Variants in PCDHGA12 observed in about 807,000 individuals in gnomAD.
PCDHGA12 encodes the protein protocadherin gamma-A12.
Under a neutral mutation model 61.1 loss-of-function variants are expected in PCDHGA12, and 43 were observed. The observed-to-expected ratio is 0.70, with a 90% CI of 0.55 to 0.91. PCDHGA12 has a LOEUF of 0.91. Ranked by LOEUF, PCDHGA12 falls within the 40% of genes least tolerant of loss-of-function variation. The pLI, the probability that PCDHGA12 is intolerant of heterozygous loss-of-function variation, is 0.00. For missense variants in PCDHGA12, 1,236 were observed against 1,227.7 expected, an observed-to-expected ratio of 1.01 and a Z score of -0.10; for synonymous variants, 520 against 542.9, an observed-to-expected ratio of 0.96 and a Z score of 0.59.
chr5:141,493,140 C>T lies in PCDHGA12; in HGVS notation c.2425-1667C>T, dbSNP rs2099746336. Among the ~76,000 whole-genome samples, 1 of 146,374 alleles carries T rather than the reference C, an allele frequency of 6.8e-6. No homozygotes were observed. Among genetic ancestry groups the T allele is most frequent in the African/African-American group, 2.5e-5 (1 of 40,746 alleles). ...GCTCCTAGGACTGTATTTTGAAACACCCCCAGGTGATTTTGATAGCTGATT... is the reference window on the plus strand; with the variant it reads ...GCTCCTAGGACTGTATTTTGAAACATCCCCAGGTGATTTTGATAGCTGATT... On this transcript the variant is annotated intron_variant, in intron 1 of 3. Transcript: ENST00000252085. This position sits in a 1 kb window ranked among gnomAD's most constrained non-coding sequence, Gnocchi z 4.3.
chr5:141,446,747 G>A (rs997132200), intron 1 of PCDHGA12, among the ~76,000 whole-genome samples: 10 of 152,190 alleles, frequency 6.6e-5, no homozygotes, highest in African/African-American at 1.4e-4. Context: ...GATTACAGGC[G>A]TGAGCCACCG....
chr5:141,457,649 A>C (rs1303184316), intron 1 of PCDHGA12, among the ~76,000 whole-genome samples: 1 of 152,282 alleles, frequency 6.6e-6, no homozygotes, highest in Non-Finnish European at 1.5e-5. Context: ...TATTTGCATG[A>C]AGTGCAGCAA....
At chr5:141,500,411 G>A (rs376320602) in intron 2 of PCDHGA12, among the ~76,000 whole-genome samples, 4 of 151,592 alleles carry the variant, frequency 2.6e-5, no homozygotes, top group East Asian at 2.0e-4. Context: ...GGGTTTCACC[G>A]TGTTAGCCAG....
chr5:141,462,959 G>A lies in PCDHGA12; in HGVS notation c.2424+29776G>A, dbSNP rs188938907. 5.1e-3 allele frequency among the ~76,000 whole-genome samples: 776 copies of A among 152,188 alleles called. 5 individuals are homozygous for A. Among genetic ancestry groups the A allele is most frequent in the Non-Finnish European group, 8.2e-3 (557 of 67,994 alleles). On this transcript the variant is annotated intron_variant, in intron 1 of 3. Transcript: ENST00000252085. ...AAGGCTTGTTTTTAAGCTTTGTTAGGACAGGTCTGTAGTAACTTTTGCCTT... is the reference window on the plus strand; with the variant it reads ...AAGGCTTGTTTTTAAGCTTTGTTAGAACAGGTCTGTAGTAACTTTTGCCTT...
Position 141,503,868 on chromosome 5 carries a change from G to A in PCDHGA12, c.2484-1525G>A, listed in dbSNP as rs928240898. Among the ~76,000 whole-genome samples, 24 of 152,202 alleles carry A rather than the reference G, an allele frequency of 1.6e-4. No individual in the cohort carries two copies. The South Asian group carries it at 4.1e-3, about 26-fold the overall frequency. ...TTGGAAAAATTGTAAAGCAGTTCTT[G>A]GTTGTGCTCACCCACCATGACAAAA... On this transcript the variant is annotated intron_variant, in intron 2 of 3. Coordinates refer to ENST00000252085, the MANE Select transcript of PCDHGA12 (RefSeq NM_003735.3).
At position 141,494,781 on chromosome 5, in the gene PCDHGA12, C is replaced by A. The variant is rs145360252; in HGVS notation, c.2425-26C>A. On this transcript the variant is annotated intron_variant, in intron 1 of 3. Coordinates refer to ENST00000252085, the MANE Select transcript of PCDHGA12 (RefSeq NM_003735.3). ...ATTCTAACTTCTCACGGGTACTCAG[C>A]CCCTTTCCCTCTGTTTTCTCCACAG... 6,156 of 1,614,074 alleles carry A rather than the reference C, an allele frequency of 3.8e-3. 13 individuals are homozygous for A. Among genetic ancestry groups the A allele is most frequent in the Middle Eastern group, 8.1e-3 (49 of 6,062 alleles).
In PCDHGA12 at chr5:141,432,220, C is replaced by A. The variant is rs949257429; in HGVS notation, c.1461C>A (p.Ile487=). ...HDPDCEENAQ[I]TYSLAENTIQ... ...CCGACTGTGAAGAGAACGCCCAGAT[C>A]ACTTATTCCCTGGCTGAGAACACCA... Residue 487 remains isoleucine (I), a synonymous_variant, in exon 1 of 4, where the codon ATC becomes ATA. Coordinates refer to ENST00000252085, the MANE Select transcript of PCDHGA12 (RefSeq NM_003735.3). This position sits in a 1 kb window ranked among gnomAD's most constrained non-coding sequence, Gnocchi z 6.0. The A allele has an allele frequency of 2.5e-6, 4 of 1,614,246 alleles. No homozygotes were observed. The highest frequency in any genetic ancestry group is 1.6e-4 in the Middle Eastern group (1 of 6,062).
At position 141,432,580 on chromosome 5, in the gene PCDHGA12, T is replaced by C. The variant is rs773087131; in HGVS notation, c.1821T>C (p.Arg607=). 20 of 1,613,202 alleles carry C rather than the reference T, an allele frequency of 1.2e-5. No individual in the cohort carries two copies. The highest frequency in any genetic ancestry group is 4.0e-5 in the African/African-American group (3 of 74,662). Residue 607 remains arginine (R), a synonymous_variant, in exon 1 of 4, where the codon CGT becomes CGC. Transcript: ENST00000252085. The surrounding 1 kb of genome is among the most constrained non-coding windows in gnomAD (Gnocchi z 6.0). ...GCCAGAACGCCTGGCTGTCCTACCG[T>C]CTGCTCAAGGCCAGCGAGCCGGGAC... is the stretch of plus-strand genomic sequence containing the variant. ...DSGQNAWLSY[R]LLKASEPGLF...
intron 2 of PCDHGA12, among the ~76,000 whole-genome samples, chr5:141,495,233 A>G (rs1226612093): frequency 1.3e-5 from 2 of 152,196 alleles, no homozygotes; most frequent in African/African-American, 4.8e-5. Flanking sequence ...GCTGGGCTCC[A>G]TTATGACCTG....
At chr5:141,474,754 T>C (rs1351752958) in intron 1 of PCDHGA12, among the ~76,000 whole-genome samples, 4 of 152,228 alleles carry the variant, frequency 2.6e-5, no homozygotes, top group Non-Finnish European at 4.4e-5. Flanking sequence ...CCAAGACAAA[T>C]ATACAGAAAT....
At position 141,476,851 on chromosome 5, in the gene PCDHGA12, C is replaced by T; in HGVS notation, c.2425-17956C>T. ...CGAATGACAATGCGCCTGTCTTCAA[C>T]CAGTCCTTGTACCGGGCGCGCGTCC... On this transcript the variant is annotated intron_variant, in intron 1 of 3. Transcript: ENST00000252085. This position sits in a 1 kb window ranked among gnomAD's most constrained non-coding sequence, Gnocchi z 7.6. The T allele has an allele frequency of 6.2e-7, 1 of 1,613,836 alleles. No individual in the cohort carries two copies. Among genetic ancestry groups the T allele is most frequent in the Non-Finnish European group, 8.5e-7 (1 of 1,180,046 alleles).
At position 141,431,549 on chromosome 5, in the gene PCDHGA12, G is replaced by A. The variant is rs750427346; in HGVS notation, c.790G>A (p.Val264Ile). ...NLALGTQLLV[V>I]NATDPDEGVN... ...GGCCTTGGGCACGCAGCTGCTTGTA[G>A]TCAACGCTACCGACCCTGACGAAGG... Residue 264 changes from valine (V) to isoleucine (I), a missense_variant, in exon 1 of 4, where the codon GTC (valine) becomes ATC (isoleucine). Coordinates refer to ENST00000252085, the MANE Select transcript of PCDHGA12 (RefSeq NM_003735.3). This position sits in a 1 kb window ranked among gnomAD's most constrained non-coding sequence, Gnocchi z 4.8. The A allele has an allele frequency of 6.2e-7, 1 of 1,614,156 alleles. No homozygotes were observed. Among genetic ancestry groups the A allele is most frequent in the South Asian group, 1.1e-5 (1 of 91,090 alleles).
intron 1 of PCDHGA12, among the ~76,000 whole-genome samples, chr5:141,465,576 C>T (rs1002696285): frequency 6.6e-6 from 1 of 152,136 alleles, no homozygotes; most frequent in Non-Finnish European, 1.5e-5. Context: ...TCTCAAAACA[C>T]TCTCATAATA....
Position 141,486,200 on chromosome 5 carries a change from G to A in PCDHGA12, c.2425-8607G>A, listed in dbSNP as rs764874531. The stretch of plus-strand genomic sequence containing the variant: ...CAGCCTTCGAGTGGATCTGCTGGAC[G>A]TAAATGACAATGCCCCTTACATCAC... On this transcript the variant is annotated intron_variant, in intron 1 of 3. Transcript: ENST00000252085. The surrounding 1 kb of genome is among the most constrained non-coding windows in gnomAD (Gnocchi z 5.0). The A allele has an allele frequency of 2.0e-5, 32 of 1,614,096 alleles. No homozygotes were observed. Among genetic ancestry groups the A allele is most frequent in the Non-Finnish European group, 2.3e-5 (27 of 1,180,040 alleles).
At chr5:141,494,195 C>T in intron 1 of PCDHGA12, among the ~76,000 whole-genome samples, 1 of 152,188 alleles carries the variant, frequency 6.6e-6, no homozygotes, top group Non-Finnish European at 1.5e-5. Flanking sequence ...GACTTGGATG[C>T]CCCGCAAAGG....
At position 141,438,591 on chromosome 5, in the gene PCDHGA12, CATATATATATATAT is replaced by C. The variant is rs946798767; in HGVS notation, c.2424+5440_2424+5453del. Among the ~76,000 whole-genome samples the C allele has an allele frequency of 7.9e-5, 6 of 75,562 alleles. No individual in the cohort carries two copies. The East Asian group carries it at 1.7e-3, about 22-fold the overall frequency. 49.6% of individuals were successfully genotyped at this position (75,562 alleles called of 152,430 possible). On this transcript the variant is annotated intron_variant, in intron 1 of 3. Transcript: ENST00000252085. ...TCTGATATACATACATACATACATA[CATATATATATATAT>C]ATATATATATATATATATATATATA...
At chr5:141,481,390 G>A (rs553179819) in intron 1 of PCDHGA12, among the ~76,000 whole-genome samples, 2 of 152,346 alleles carry the variant, frequency 1.3e-5, no homozygotes, top group East Asian at 3.9e-4. Context: ...TTGGAGGGAT[G>A]TGACAAAATT....
chr5:141,440,902 G>C (rs138147244), intron 1 of PCDHGA12: 1 of 152,110 alleles, frequency 6.6e-6, no homozygotes, highest in Admixed American at 6.6e-5. Context: ...ATGTGCATCC[G>C]GGCACTCCTG....
Position 141,490,491 on chromosome 5 carries a change from A to T in PCDHGA12, c.2425-4316A>T. 1 of 1,614,098 alleles carries T rather than the reference A, an allele frequency of 6.2e-7. No individual in the cohort carries two copies. Among genetic ancestry groups the T allele is most frequent in the Non-Finnish European group, 8.5e-7 (1 of 1,180,022 alleles). ...GCCAGCCTTTGGACCGGGAGGCCAC[A>T]TCCCACTATATCATCGAGCTGCTGG... On this transcript the variant is annotated intron_variant, in intron 1 of 3. Coordinates refer to ENST00000252085, the MANE Select transcript of PCDHGA12 (RefSeq NM_003735.3). This position sits in a 1 kb window ranked among gnomAD's most constrained non-coding sequence, Gnocchi z 5.4.
Sources: allele counts gnomAD v4.1 joint callset (sites outside exome capture counted in the v4.1 genomes callset), GRCh38; gene constraint gnomAD v4.1.1; non-coding constraint Gnocchi (gnomAD v3.1); transcripts MANE v1.5; gene names NCBI Gene and HGNC (gene_info 2026-07-23, HGNC 2026-07-21).